The following PITPNM1 variants were observed in gnomAD, a reference collection of about 807,000 sequenced individuals.
PITPNM1 encodes the protein phosphatidylinositol transfer protein membrane associated 1.
PITPNM1 carries 74 observed loss-of-function variants against 133.3 expected under a neutral mutation model. The observed-to-expected ratio is 0.56, with a 90% confidence interval of 0.46 to 0.67. The LOEUF (loss-of-function observed/expected upper bound fraction) is 0.67. Among genes scored for constraint, PITPNM1 ranks in the 30% least tolerant of loss-of-function variants. The probability of loss-of-function intolerance (pLI) is 0.00; values close to 1 mark genes in which losing one functional copy is unlikely to be tolerated. For missense variants in PITPNM1, 1,398 were observed against 1,739.5 expected, an observed-to-expected ratio of 0.80 and a Z score of 3.49; for synonymous variants, 738 against 741.4, an observed-to-expected ratio of 1.00 and a Z score of 0.08.
In PITPNM1 at chr11:67,502,487, C is replaced by T; in HGVS notation, c.293+17G>A. 1 of 1,613,682 alleles carries T rather than the reference C, an allele frequency of 6.2e-7. No homozygotes were observed. Among genetic ancestry groups the T allele is most frequent in the Middle Eastern group, 1.6e-4 (1 of 6,062 alleles). ...CTCCCCTCCTGGCCTCGGACCATGC[C>T]CAGCTCACCCACTCACCGGGTTCGG... On this transcript the variant is annotated intron_variant, in intron 3 of 23. Transcript: ENST00000356404. The surrounding 1 kb of genome is among the most constrained non-coding windows in gnomAD (Gnocchi z 5.9).
rs1184830341 is a variant in PITPNM1, at chr11:67,495,238, GGCAGCGAGTCAGGATGGCCTCCT to G, written c.2483-36_2483-14del. The G allele has an allele frequency of 6.4e-7, 1 of 1,572,348 alleles. No homozygotes were observed. Among genetic ancestry groups the G allele is most frequent in the Non-Finnish European group, 8.7e-7 (1 of 1,155,024 alleles). ...CAGCGCTCCAGGACTGCGCGGCCAT[GGCAGCGAGTCAGGATGGCCTCCT>G]GCCCCACACCCATCTGCCTGGGCGC... is the stretch of plus-strand genomic sequence containing the variant. On this transcript the variant is annotated splice_polypyrimidine_tract_variant and intron_variant, in intron 16 of 23. Transcript: ENST00000356404.
chr11:67,505,272 G>A lies in PITPNM1; in HGVS notation c.-126C>T, dbSNP rs564211552. On this transcript the variant is annotated 5_prime_UTR_variant, in exon 1 of 24. Coordinates refer to ENST00000356404, the MANE Select transcript of PITPNM1 (RefSeq NM_004910.3). The surrounding 1 kb of genome is among the most constrained non-coding windows in gnomAD (Gnocchi z 5.8). The stretch of plus-strand genomic sequence containing the variant: ...CGGAGCCCGGAGCGCCCCCAGCCCC[G>A]GCCTCGGGTTCCAGCGGTGGCCGGA... The A allele has an allele frequency of 6.6e-6, 1 of 151,772 alleles. No individual in the cohort carries two copies. The highest frequency in any genetic ancestry group is 2.1e-4 in the South Asian group (1 of 4,804). The allele number at this position is 151,772 out of a possible 1,614,324, so 9.4% of individuals were successfully genotyped here.
In PITPNM1 at chr11:67,499,955, T is replaced by A. The variant is rs1866269914; in HGVS notation, c.1022A>T (p.Asp341Val). 6.2e-7 allele frequency: 1 copy of A among 1,612,090 alleles called. No individual in the cohort carries two copies. The change falls in exon 7 of 24, where the codon GAC (aspartate) becomes GTC (valine). Residue 341 changes from aspartate (D) to valine (V), a missense_variant. By Grantham distance (152) the Asp-to-Val change is radical. Transcript: ENST00000356404. The part of the protein sequence containing the change: ...SEWRMQNIAR[D>V]SENSSEEEFF... ...CTCTTCCTCGGAGCTGTTCTCAGAGTCTCGGGCAATGTTCTGCATGCGCCA... is the reference window on the plus strand; with the variant it reads ...CTCTTCCTCGGAGCTGTTCTCAGAGACTCGGGCAATGTTCTGCATGCGCCA...
In PITPNM1 at chr11:67,497,435, G is replaced by T. The variant is rs1215937311; in HGVS notation, c.1942C>A (p.Leu648Ile). 1 of 1,590,650 alleles carries T rather than the reference G, an allele frequency of 6.3e-7. No homozygotes were observed. Among genetic ancestry groups the T allele is most frequent in the Admixed American group, 1.7e-5 (1 of 57,730 alleles). ...SPEPEGSQNS[L>I]QAAPATTSSW... Reference sequence around the variant, plus strand: ...GAGGTGGTTGCGGGGGCTGCCTGAAGGCTGTGGGGGAGGAGGGGTGCTCAG... The same window carrying T: ...GAGGTGGTTGCGGGGGCTGCCTGAATGCTGTGGGGGAGGAGGGGTGCTCAG... Residue 648 changes from leucine to isoleucine, a missense_variant and splice_region_variant, in exon 14 of 24, where the codon CTT (leucine) becomes ATT (isoleucine). Leu to Ile is a conservative substitution (Grantham distance 5). Transcript: ENST00000356404.
rs1318855859 is a variant in PITPNM1 at position 67,498,223 on chromosome 11, G to C, written c.1584C>G (p.Tyr528Ter). Residue 528 changes from tyrosine to a stop codon, truncating the protein, a stop_gained, in exon 11 of 24, where the codon TAC becomes TAG. Coordinates refer to ENST00000356404, the MANE Select transcript of PITPNM1 (RefSeq NM_004910.3). LOFTEE classifies it high-confidence loss of function. This position sits in a 1 kb window ranked among gnomAD's most constrained non-coding sequence, Gnocchi z 5.7. The part of the protein sequence containing the change: ...LPLLATSSSR[Y>*]QGAVATVIAR... ...CAATGACGGTGGCCACGGCGCCCTG[G>C]TAGCGGGAGGATGAGGTGGCCAGCA... 5.0e-6 allele frequency: 8 copies of C among 1,612,766 alleles called. No homozygotes were observed. The highest frequency in any genetic ancestry group is 6.8e-6 in the Non-Finnish European group (8 of 1,179,818).
rs562660609 is a variant in PITPNM1 at position 67,497,354 on chromosome 11, C to T, written c.2023G>A (p.Glu675Lys). The change falls in exon 14 of 24, where the codon GAG (glutamate) becomes AAG (lysine). Residue 675 changes from glutamate (E) to lysine (K), a missense_variant. By Grantham distance (56) the Glu-to-Lys change is moderately conservative. Around this residue, in one of 5 missense-constraint regions of PITPNM1, gnomAD observed 574 missense variants for 698.7 expected, o/e 0.82. Transcript: ENST00000356404. ...GTGCTGCTGGGGCCGTCAGGTGCCTCGGAACTGGCAGCGGGTGGGCAGAAG... is the reference window on the plus strand; with the variant it reads ...GTGCTGCTGGGGCCGTCAGGTGCCTTGGAACTGGCAGCGGGTGGGCAGAAG... ...TAFCPPAASS[E>K]APDGPSSTAR... 1.5e-5 allele frequency: 24 copies of T among 1,606,268 alleles called. No individual in the cohort carries two copies. The highest frequency in any genetic ancestry group is 1.7e-5 in the Non-Finnish European group (20 of 1,175,404).
Position 67,498,453 on chromosome 11 carries a change from T to C in PITPNM1, c.1485-131A>G. ...GGGAGCGTTAGCCCCAAGAGGCAACTGAAATGGAGCCATTCTCCAGAACAG... is the reference window on the plus strand; with the variant it reads ...GGGAGCGTTAGCCCCAAGAGGCAACCGAAATGGAGCCATTCTCCAGAACAG... On this transcript the variant is annotated intron_variant, in intron 10 of 23. Coordinates refer to ENST00000356404, the MANE Select transcript of PITPNM1 (RefSeq NM_004910.3). The surrounding 1 kb of genome is among the most constrained non-coding windows in gnomAD (Gnocchi z 5.7). The C allele has an allele frequency of 7.0e-7, 1 of 1,425,274 alleles. No individual in the cohort carries two copies. The highest frequency in any genetic ancestry group is 9.4e-7 in the Non-Finnish European group (1 of 1,062,082). The allele number at this position is 1,425,274 out of a possible 1,614,324, so 88.3% of individuals were successfully genotyped here.
At position 67,498,468 on chromosome 11, in the gene PITPNM1, C is replaced by A. The variant is rs927683054; in HGVS notation, c.1484+128G>T. 1.4e-6 allele frequency: 2 copies of A among 1,460,400 alleles called. No homozygotes were observed. The highest frequency in any genetic ancestry group is 4.6e-5 in the East Asian group (2 of 43,742). The allele number at this position is 1,460,400 out of a possible 1,614,324, so 90.5% of individuals were successfully genotyped here. The stretch of plus-strand genomic sequence containing the variant: ...AAGAGGCAACTGAAATGGAGCCATT[C>A]TCCAGAACAGGTCCAGCCATGCCAG... On this transcript the variant is annotated intron_variant, in intron 10 of 23. Coordinates refer to ENST00000356404, the MANE Select transcript of PITPNM1 (RefSeq NM_004910.3). The surrounding 1 kb of genome is among the most constrained non-coding windows in gnomAD (Gnocchi z 5.7).
intron 15 of PITPNM1, among the ~76,000 whole-genome samples, chr11:67,495,901 G>A (rs992300403): frequency 1.3e-5 from 2 of 152,208 alleles, no homozygotes; most frequent in African/African-American, 4.8e-5. Context: ...ATGCAGCAGC[G>A]CACACATGCT....
intron 22 of PITPNM1, 92 bp from the exon 23 acceptor site, chr11:67,493,154 T>A: frequency 1.3e-6 from 2 of 1,490,554 alleles, no homozygotes; most frequent in African/African-American, 1.4e-5. Context: ...GTTCTGGGGG[T>A]GGGTCCAGGC....
Position 67,497,968 on chromosome 11 carries a change from GT to G in PITPNM1, c.1730del (p.His577ProfsTer18). 2 of 1,611,234 alleles carry G rather than the reference GT, an allele frequency of 1.2e-6. No individual in the cohort carries two copies. The highest frequency in any genetic ancestry group is 1.7e-6 in the Non-Finnish European group (2 of 1,179,978). On this transcript the variant is annotated frameshift_variant, in exon 12 of 24. Coordinates refer to ENST00000356404, the MANE Select transcript of PITPNM1 (RefSeq NM_004910.3). LOFTEE classifies it high-confidence loss of function. ...GGILGFDALC[H>X]SANAGTGSRG... ...GACTCCCGGTGCCCGCGTTAGCACT[GT>G]GGCAGAGTGCATCAAAGCCCAGGAT...
At chr11:67,500,483 T>C in intron 5 of PITPNM1, 62 bp from the exon 6 acceptor site, 1 of 1,509,424 alleles carries the variant, frequency 6.6e-7, no homozygotes, top group Non-Finnish European at 9.0e-7. Context: ...CGCAGCTACA[T>C]GCCCAGCCTT....
Position 67,492,248 on chromosome 11 carries a change from A to C in PITPNM1, c.3520T>G (p.Ser1174Ala). ...GGTCCCGAGGAGGCATGCGAGTGCG[A>C]GCCCGCTTCCAGCTGGCCCAGGTGG... Reference protein sequence around the residue: ...VAHLGQLEAGSHSHASSGPPR... With the variant: ...VAHLGQLEAGAHSHASSGPPR... The change falls in exon 24 of 24, where the codon TCG becomes GCG. Residue 1174 changes from serine (S) to alanine (A), a missense_variant. Around this residue, in one of 5 missense-constraint regions of PITPNM1, gnomAD observed 122 missense variants for 123.3 expected, o/e 0.99. Coordinates refer to ENST00000356404, the MANE Select transcript of PITPNM1 (RefSeq NM_004910.3). 1 of 1,599,778 alleles carries C rather than the reference A, an allele frequency of 6.3e-7. No homozygotes were observed. Among genetic ancestry groups the C allele is most frequent in the Non-Finnish European group, 8.5e-7 (1 of 1,171,536 alleles).
At position 67,498,187 on chromosome 11, in the gene PITPNM1, G is replaced by A; in HGVS notation, c.1620C>T (p.Asn540=). 6.2e-7 allele frequency: 1 copy of A among 1,613,342 alleles called. No individual in the cohort carries two copies. Among genetic ancestry groups the A allele is most frequent in the Non-Finnish European group, 8.5e-7 (1 of 1,179,956 alleles). ...AGCGCAGGAAGGCTGAGTAGGCCTGGTTGGTGCGGGCAATGACGGTGGCCA... is the reference window on the plus strand; with the variant it reads ...AGCGCAGGAAGGCTGAGTAGGCCTGATTGGTGCGGGCAATGACGGTGGCCA... The part of the protein sequence containing the change: ...GAVATVIART[N]QAYSAFLRSP... The change falls in exon 11 of 24, where the codon AAC becomes AAT. Residue 540 remains asparagine (N), a synonymous_variant. Transcript: ENST00000356404. This position sits in a 1 kb window ranked among gnomAD's most constrained non-coding sequence, Gnocchi z 5.7.
intron 18 of PITPNM1, 137 bp downstream of exon 18, chr11:67,494,709 A>AG: frequency 1.9e-6 from 1 of 533,370 alleles, no homozygotes; most frequent in Non-Finnish European, 3.2e-6. Context: ...CCAGGACCCC[A>AG]GGGGCGGGGC....
intron 12 of PITPNM1, 32 bp from the exon 13 acceptor site, chr11:67,497,711 G>C (rs1591059322): frequency 6.2e-7 from 1 of 1,604,202 alleles, no homozygotes; most frequent in Non-Finnish European, 8.5e-7. Context: ...AACATTCTTA[G>C]GCCTGGGGAC....
chr11:67,496,190 A>G lies in PITPNM1; in HGVS notation c.2305T>C (p.Ser769Pro). The G allele has an allele frequency of 6.5e-7, 1 of 1,536,862 alleles. No homozygotes were observed. Among genetic ancestry groups the G allele is most frequent in the Non-Finnish European group, 8.7e-7 (1 of 1,147,314 alleles). The change falls in exon 15 of 24, where the codon TCC (serine) becomes CCC (proline). Residue 769 changes from serine to proline, a missense_variant. Ser to Pro is a moderately conservative substitution (Grantham distance 74, BLOSUM62 -1). This residue lies in a region of PITPNM1 where 574 missense variants were observed against 698.7 expected (regional missense o/e 0.82). Coordinates refer to ENST00000356404, the MANE Select transcript of PITPNM1 (RefSeq NM_004910.3). The stretch of plus-strand genomic sequence containing the variant: ...TTTGGGGGCGTACCCAGCAGCAGGG[A>G]TGAGCCATCTCCCAGGGGGAACTTC... ...YQKFPLGDGS[S>P]LLLADTLQTH...
At position 67,493,014 on chromosome 11, in the gene PITPNM1, C is replaced by T; in HGVS notation, c.3391G>A (p.Val1131Ile). 6.2e-7 allele frequency: 1 copy of T among 1,613,078 alleles called. No individual in the cohort carries two copies. Among genetic ancestry groups the T allele is most frequent in the African/African-American group, 1.3e-5 (1 of 75,074 alleles). ...GGGGACAGCCCCAGCGCCGCGTATACAGCCACATCTTTGGGAGACCCATAA... is the reference window on the plus strand; with the variant it reads ...GGGGACAGCCCCAGCGCCGCGTATATAGCCACATCTTTGGGAGACCCATAA... ...AGYGSPKDVA[V>I]YAALGLSPSQ... Residue 1131 changes from valine (V) to isoleucine (I), a missense_variant, in exon 23 of 24, where the codon GTA becomes ATA. Around this residue, in one of 5 missense-constraint regions of PITPNM1, gnomAD observed 233 missense variants for 378.0 expected, o/e 0.62. Transcript: ENST00000356404.
Position 67,494,014 on chromosome 11 carries a change from G to C in PITPNM1, c.2916C>G (p.Thr972=). The change falls in exon 20 of 24, where the codon ACC becomes ACG. Residue 972 remains threonine, a synonymous_variant. Coordinates refer to ENST00000356404, the MANE Select transcript of PITPNM1 (RefSeq NM_004910.3). ...PLSGKWIHFG[T]EVTNSSGRLT... is the part of the protein sequence containing the mutation. The stretch of plus-strand genomic sequence containing the variant: ...GGCGGCCCGAGCTATTGGTGACTTC[G>C]GTGCCAAAGTGGATCCACTTGCCCG... 6.2e-7 allele frequency: 1 copy of C among 1,612,034 alleles called. No homozygotes were observed. The highest frequency in any genetic ancestry group is 8.5e-7 in the Non-Finnish European group (1 of 1,179,616).
Sources: gnomAD v4.1 joint callset for allele counts (sites outside exome capture counted in the v4.1 genomes callset) on GRCh38, gnomAD v4.1.1 for gene constraint, gnomAD v4.1.1 regional missense constraint, Gnocchi (gnomAD v3.1) non-coding constraint, MANE v1.5 for transcripts, NCBI Gene and HGNC (gene_info 2026-07-23, HGNC 2026-07-21) for gene names.